Variants in ARB2A observed in about 807,000 individuals in gnomAD.
The protein encoded by ARB2A is ARB2 cotranscriptional regulator A.
the ARB2A span, among the ~76,000 whole-genome samples, chr5:94,020,603 A>G: frequency 6.6e-6 from 1 of 152,146 alleles, no homozygotes; most frequent in Non-Finnish European, 1.5e-5. Context: ...GAAACTAAAC[A>G]AGAAACATAA....
chr5:94,030,105 CCT>C, the ARB2A span, among the ~76,000 whole-genome samples: 2 of 152,142 alleles, frequency 1.3e-5, no homozygotes, highest in African/African-American at 4.8e-5. Context: ...TCACCGGGTC[CCT>C]CTGATGACAC....
At chr5:93,904,465 G>C in the ARB2A span, among the ~76,000 whole-genome samples, 3 of 151,774 alleles carry the variant, frequency 2.0e-5, no homozygotes, top group African/African-American at 7.2e-5. Context: ...AACATAGCTA[G>C]AGTTAAGAAA....
At chr5:93,978,587 G>C in the ARB2A span, among the ~76,000 whole-genome samples, 1 of 151,992 alleles carries the variant, frequency 6.6e-6, no homozygotes, top group East Asian at 1.9e-4. Flanking sequence ...CACAAAGATG[G>C]GAACAATAAA....
chr5:93,917,206 C>A, the ARB2A span, among the ~76,000 whole-genome samples: 1 of 152,162 alleles, frequency 6.6e-6, no homozygotes, highest in Non-Finnish European at 1.5e-5. Flanking sequence ...CAAATTTTAA[C>A]CCCTACTGAA....
At chr5:93,965,216 G>A in the ARB2A span, among the ~76,000 whole-genome samples, 1 of 152,018 alleles carries the variant, frequency 6.6e-6, no homozygotes, top group African/African-American at 2.4e-5. Context: ...GAGATGCAAA[G>A]TGACTCAACT....
At chr5:94,033,764 T>TG in the ARB2A span, among the ~76,000 whole-genome samples, 7 of 152,170 alleles carry the variant, frequency 4.6e-5, no homozygotes, top group Non-Finnish European at 1.0e-4. Flanking sequence ...ACATGAGTTT[T>TG]GGGGAGACAC....
chr5:93,847,959 A>C, the ARB2A span, among the ~76,000 whole-genome samples: 1 of 152,218 alleles, frequency 6.6e-6, no homozygotes, highest in East Asian at 1.9e-4. Flanking sequence ...CTTGTACTTA[A>C]ATGCATTGTT....
the ARB2A span, among the ~76,000 whole-genome samples, chr5:94,018,457 T>A: frequency 2.6e-5 from 4 of 152,142 alleles, no homozygotes; most frequent in African/African-American, 9.7e-5. Flanking sequence ...GGTGTAGGTC[T>A]CCACTATGAT....
the ARB2A span, chr5:93,863,103 C>G: frequency 7.2e-5 from 11 of 151,894 alleles, no homozygotes; most frequent in African/African-American, 2.7e-4. Context: ...GGGCAAGTGG[C>G]ATCTTGAGCA....
chr5:93,767,025 A>C, the ARB2A span, among the ~76,000 whole-genome samples: 3 of 113,078 alleles, frequency 2.7e-5, no homozygotes, highest in Non-Finnish European at 5.0e-5. Flanking sequence ...AACATCACAC[A>C]CCGGGGCCTG....
chr5:94,090,622 TC>T, the ARB2A span, among the ~76,000 whole-genome samples: 1 of 152,248 alleles, frequency 6.6e-6, no homozygotes, highest in Admixed American at 6.5e-5. Flanking sequence ...AGGGAATGTT[TC>T]CAGCTTTTGC....
chr5:93,656,579 C>T, the ARB2A span, among the ~76,000 whole-genome samples: 1 of 152,132 alleles, frequency 6.6e-6, no homozygotes, highest in South Asian at 2.1e-4. Context: ...TTCACACTTA[C>T]TTTGGAAAAG....
chr5:93,949,454 G>T, the ARB2A span, among the ~76,000 whole-genome samples: 1 of 151,980 alleles, frequency 6.6e-6, no homozygotes, highest in Non-Finnish European at 1.5e-5. Context: ...CCAGCTACTT[G>T]GGAGGCTGAG....
At chr5:93,786,596 T>C in the ARB2A span, among the ~76,000 whole-genome samples, 2 of 152,312 alleles carry the variant, frequency 1.3e-5, no homozygotes, top group South Asian at 2.1e-4. Context: ...TTTGACTGTT[T>C]AGGATTAGTA....
chr5:93,946,128 A>C, the ARB2A span, among the ~76,000 whole-genome samples: 2 of 152,146 alleles, frequency 1.3e-5, no homozygotes, highest in Admixed American at 1.3e-4. Context: ...TGATGGGTCC[A>C]ACAAAATGAG....
At chr5:93,941,941 A>C in the ARB2A span, among the ~76,000 whole-genome samples, 8 of 152,326 alleles carry the variant, frequency 5.3e-5, no homozygotes, top group African/African-American at 1.9e-4. Flanking sequence ...TTAGTTAATT[A>C]GTTCAGTACT....
chr5:93,731,696 A>G, the ARB2A span, among the ~76,000 whole-genome samples: 4 of 152,194 alleles, frequency 2.6e-5, no homozygotes, highest in African/African-American at 9.6e-5. Context: ...CATCTTATAC[A>G]CTGTCCTGGC....
chr5:94,081,472 T>C, the ARB2A span, among the ~76,000 whole-genome samples: 2 of 152,194 alleles, frequency 1.3e-5, no homozygotes, highest in Non-Finnish European at 2.9e-5. Context: ...AAACAAAATA[T>C]GGTATATCCA....
the ARB2A span, among the ~76,000 whole-genome samples, chr5:94,100,825 A>C: frequency 1.3e-5 from 2 of 152,226 alleles, no homozygotes; most frequent in Non-Finnish European, 1.5e-5. Flanking sequence ...ACCCAAAACT[A>C]TAAAACCCCT....
Sources: allele counts gnomAD v4.1 joint callset (sites outside exome capture counted in the v4.1 genomes callset), GRCh38; gene constraint gnomAD v4.1.1; transcripts MANE v1.5; gene names NCBI Gene and HGNC (gene_info 2026-07-23, HGNC 2026-07-21).